The following DMD variants were observed in gnomAD, a reference collection of about 807,000 sequenced individuals.
DMD encodes the protein dystrophin, also known as mutant dystrophin.
Under a neutral mutation model 330.1 loss-of-function variants are expected in DMD, and 63 were observed. That is an observed-to-expected ratio of 0.19 (90% CI 0.16 to 0.24). DMD has a LOEUF of 0.24. Among genes scored for constraint, DMD ranks in the 10% least tolerant of loss-of-function variants. The probability of loss-of-function intolerance (pLI) is 1.00; values close to 1 mark genes in which losing one functional copy is unlikely to be tolerated. For missense variants in DMD, 3,344 were observed against 2,684.1 expected (o/e 1.25, Z -5.43); for synonymous variants, 1,223 against 959.8 (o/e 1.27, Z -5.07).
intron 2 of DMD, among the ~76,000 whole-genome samples, chrX:32,919,731 G>A (rs900672131): frequency 9.0e-6 from 1 of 111,408 alleles, no homozygotes; most frequent in African/African-American, 3.3e-5. Flanking sequence ...ACCAAATACA[G>A]GCAGTCACAG....
intron 11 of DMD, among the ~76,000 whole-genome samples, 199 bp downstream of exon 11, chrX:32,643,933 T>A (rs977188446): frequency 1.8e-5 from 2 of 111,956 alleles, no homozygotes; most frequent in Non-Finnish European, 3.8e-5. Flanking sequence ...AGTGCATCTA[T>A]CTAACATCTG....
intron 18 of DMD, among the ~76,000 whole-genome samples, chrX:32,503,092 C>A (rs2044224696): frequency 8.9e-6 from 1 of 112,271 alleles, no homozygotes; most frequent in African/African-American, 3.2e-5. Flanking sequence ...CTAATACATT[C>A]CTTTAAAAGC....
In DMD at chrX:32,952,742, T is replaced by A. The variant is rs148007610; in HGVS notation, c.93+67397A>T. On this transcript the variant is annotated intron_variant, in intron 2 of 78. Coordinates refer to ENST00000357033, the MANE Select transcript of DMD (RefSeq NM_004006.3). ...TCATATGAAGTAAGGTCTTAATGCT[T>A]TTTATTTCTTTACCTTATGTTAAAT... is the stretch of plus-strand genomic sequence containing the variant. 5.2e-3 allele frequency among the ~76,000 whole-genome samples: 580 copies of A among 111,514 alleles called. 6 individuals are homozygous for A. The East Asian group carries it at 0.055, about 10-fold the overall frequency.
intron 1 of DMD, among the ~76,000 whole-genome samples, chrX:33,180,437 ACACACACATG>A (rs745587653): frequency 1.4e-3 from 158 of 111,924 alleles, no homozygotes; most frequent in Admixed American, 2.2e-3. Flanking sequence ...ACACACGCGC[ACACACACATG>A]CACACACATA....
chrX:31,409,180 G>T (rs138961741), intron 60 of DMD, among the ~76,000 whole-genome samples: 2 of 111,679 alleles, frequency 1.8e-5, no homozygotes, highest in East Asian at 5.6e-4. Flanking sequence ...TTTGATCTTG[G>T]TATCTTAATG....
chrX:33,313,760 T>A (rs1214971875), intron 1 of DMD, among the ~76,000 whole-genome samples: 1 of 111,320 alleles, frequency 9.0e-6, no homozygotes, highest in Admixed American at 9.6e-5. Context: ...GCAAAGGGAC[T>A]GTAGGTGCAA....
chrX:32,553,024 G>A (rs1442177848), intron 16 of DMD, among the ~76,000 whole-genome samples: 2 of 111,626 alleles, frequency 1.8e-5, no homozygotes, highest in African/African-American at 3.3e-5. Flanking sequence ...CCCAAACAAC[G>A]AAAACCAGAA....
At chrX:31,845,387 C>G (rs2093402719) in intron 48 of DMD, among the ~76,000 whole-genome samples, 1 of 43,739 alleles carries the variant, frequency 2.3e-5, no homozygotes, top group Non-Finnish European at 4.2e-5. Flanking sequence ...CTCTCTCTCT[C>G]TCTCTCTCTC....
chrX:31,926,722 G>GGTCA (rs1364929991), intron 47 of DMD, among the ~76,000 whole-genome samples: 5 of 111,213 alleles, frequency 4.5e-5, no homozygotes, highest in Non-Finnish European at 7.6e-5. Context: ...AAGAGTAAGG[G>GGTCA]GTCAGTTGGC....
At chrX:32,242,243 C>T (rs2097211329) in intron 43 of DMD, among the ~76,000 whole-genome samples, 1 of 111,008 alleles carries the variant, frequency 9.0e-6, no homozygotes, top group East Asian at 2.8e-4. Context: ...ATCTGCAGGC[C>T]TAGTAACAAA....
chrX:31,251,277 C>T (rs189187844), intron 63 of DMD, among the ~76,000 whole-genome samples: 2 of 109,934 alleles, frequency 1.8e-5, no homozygotes, highest in Admixed American at 9.7e-5. Flanking sequence ...ACTACAGGTG[C>T]GTGCCACCAT....
At chrX:31,308,303 G>A (rs1160484303) in intron 62 of DMD, among the ~76,000 whole-genome samples, 1 of 112,097 alleles carries the variant, frequency 8.9e-6, no homozygotes, top group East Asian at 2.8e-4. Flanking sequence ...GGTAATAGGA[G>A]CTACTGAAGG....
chrX:32,412,294 C>T (rs983132925), intron 29 of DMD: 30 of 837,658 alleles, frequency 3.6e-5, no homozygotes, highest in East Asian at 7.7e-5. Context: ...ATAGGGTCAT[C>T]GTCATCACAA....
At chrX:32,384,255 T>C (rs943558660) in intron 33 of DMD, among the ~76,000 whole-genome samples, 3 of 110,250 alleles carry the variant, frequency 2.7e-5, no homozygotes. Context: ...TATGAAATAA[T>C]TGGCATCTAT....
chrX:32,560,775 C>T (rs914171853), intron 16 of DMD, among the ~76,000 whole-genome samples: 5 of 111,986 alleles, frequency 4.5e-5, no homozygotes, highest in African/African-American at 1.3e-4. Flanking sequence ...ACTCTCATTC[C>T]TTTTTATGGC....
chrX:32,641,357 T>C (rs900182506), intron 11 of DMD: 1 of 117,005 alleles, frequency 8.5e-6, no homozygotes, highest in Non-Finnish European at 1.9e-5. Context: ...TTTTTGATAA[T>C]GTATTCCATT....
intron 44 of DMD, among the ~76,000 whole-genome samples, chrX:32,012,969 T>C (rs966722357): frequency 2.7e-5 from 3 of 111,032 alleles, no homozygotes; most frequent in African/African-American, 9.8e-5. Flanking sequence ...GTGTAGAATG[T>C]CATTCATTCT....
At chrX:32,251,325 G>C (rs2097262919) in intron 43 of DMD, among the ~76,000 whole-genome samples, 1 of 110,822 alleles carries the variant, frequency 9.0e-6, no homozygotes, top group Non-Finnish European at 1.9e-5. Context: ...TATGTATCTT[G>C]GTCACAGATA....
rs934746241 is a variant in DMD, at chrX:32,672,187, G to T, written c.960+25683C>A. ...CTAAAGTATTGCTCTAGAAATATTT[G>T]ATTCATCAGTAATAGCCTAACCTAT... On this transcript the variant is annotated intron_variant, in intron 9 of 78. Coordinates refer to ENST00000357033, the MANE Select transcript of DMD (RefSeq NM_004006.3). Among the ~76,000 whole-genome samples the T allele has an allele frequency of 7.2e-5, 8 of 110,949 alleles. No homozygotes were observed. In the Admixed American group the frequency reaches 7.7e-4, roughly 11 times the overall value.
Sources: gnomAD v4.1 joint callset for allele counts (sites outside exome capture counted in the v4.1 genomes callset) on GRCh38, gnomAD v4.1.1 for gene constraint, MANE v1.5 for transcripts, NCBI Gene and HGNC (gene_info 2026-07-23, HGNC 2026-07-21) for gene names.